The following DCHS2 variants were observed in gnomAD, a reference collection of about 807,000 sequenced individuals.
DCHS2 encodes the protein dachsous cadherin-related 2.
In DCHS2, 142 loss-of-function variants were observed where a neutral mutation model predicts 182.4. The ratio of observed to expected loss-of-function variants is 0.78; its 90% CI spans 0.68 to 0.89. DCHS2 has a LOEUF of 0.89. DCHS2 is among the 40% of genes least tolerant of loss of function. DCHS2 has a pLI of 0.00. For synonymous variants in DCHS2, 1,740 were observed against 1,663.3 expected, an observed-to-expected ratio of 1.05 and a Z score of -1.12; for missense variants, 4,319 against 4,198.6, an observed-to-expected ratio of 1.03 and a Z score of -0.79.
intron 13 of DCHS2, among the ~76,000 whole-genome samples, chr4:154,282,899 T>C (rs77813020): frequency 0.021 from 3,132 of 152,214 alleles, 113 homozygotes; most frequent in African/African-American, 0.072. Context: ...TGGATAAAGC[T>C]TAATGACATT....
At chr4:154,302,766 G>A (rs906907452) in intron 12 of DCHS2, among the ~76,000 whole-genome samples, 1 of 89,932 alleles carries the variant, frequency 1.1e-5, no homozygotes, top group African/African-American at 3.3e-5. Context: ...AAAGAGGAAG[G>A]TGACACAAGG....
At chr4:154,434,934 A>T (rs1443410790) in intron 1 of DCHS2, among the ~76,000 whole-genome samples, 1 of 152,216 alleles carries the variant, frequency 6.6e-6, no homozygotes, top group Non-Finnish European at 1.5e-5. Context: ...AAACTGTCAC[A>T]GACCAGAGGA....
chr4:154,400,847 G>A (rs554014189), intron 1 of DCHS2, among the ~76,000 whole-genome samples: 1 of 152,132 alleles, frequency 6.6e-6, no homozygotes, highest in South Asian at 2.1e-4. Context: ...CTCCCAACTT[G>A]GGAACTGCCA....
intron 15 of DCHS2, among the ~76,000 whole-genome samples, chr4:154,259,160 T>A (rs1732847257): frequency 6.6e-6 from 1 of 152,154 alleles, no homozygotes; most frequent in African/African-American, 2.4e-5. Context: ...GAAGACTTAG[T>A]GTAAATATCC....
At chr4:154,452,346 A>G (rs1734568223) in intron 1 of DCHS2, among the ~76,000 whole-genome samples, 1 of 152,184 alleles carries the variant, frequency 6.6e-6, no homozygotes, top group African/African-American at 2.4e-5. Flanking sequence ...AAGAAGCTTT[A>G]AAAATTAAAG....
intron 1 of DCHS2, among the ~76,000 whole-genome samples, chr4:154,485,102 G>A (rs1203709826): frequency 7.0e-5 from 2 of 28,484 alleles, no homozygotes; most frequent in Admixed American, 8.0e-4. Flanking sequence ...GGTGTTATGA[G>A]CTTTTTTTTT....
Position 154,489,600 on chromosome 4 carries a change from G to A in DCHS2, c.1756C>T (p.Pro586Ser), listed in dbSNP as rs993691815. Residue 586 changes from proline to serine, a missense_variant, in exon 1 of 20, where the codon CCC becomes TCC. By Grantham distance (74) the Pro-to-Ser change is moderately conservative. Coordinates refer to ENST00000357232, the MANE Select transcript of DCHS2 (RefSeq NM_001358235.2). ...LRYTVVQLSA[P>S]CNLGSLQSKM... ...GATTGCAGGGAGCCGAGATTGCAGG[G>A]AGCCGAGAGTTGGACTACAGTGTAG... 3 of 1,550,598 alleles carry A rather than the reference G, an allele frequency of 1.9e-6. No individual in the cohort carries two copies. The highest frequency in any genetic ancestry group is 2.0e-5 in the Admixed American group (1 of 50,958).
At chr4:154,398,876 T>TCC (rs1732039683) in intron 1 of DCHS2, among the ~76,000 whole-genome samples, 1 of 152,208 alleles carries the variant, frequency 6.6e-6, no homozygotes, top group Admixed American at 6.5e-5. Flanking sequence ...CAGGTCTATA[T>TCC]CCCTCCAGCC....
At chr4:154,253,023 C>T (rs1407013122) in intron 16 of DCHS2, among the ~76,000 whole-genome samples, 1 of 147,846 alleles carries the variant, frequency 6.8e-6, no homozygotes, top group East Asian at 2.0e-4. Flanking sequence ...GAAAATCCTC[C>T]TTTATTTCTT....
chr4:154,400,066 G>C (rs1000679722), intron 1 of DCHS2, among the ~76,000 whole-genome samples: 3 of 152,042 alleles, frequency 2.0e-5, no homozygotes, highest in Non-Finnish European at 4.4e-5. Flanking sequence ...CACTTTGGGA[G>C]GCCGAGGCGG....
chr4:154,268,853 T>G (rs904775834), intron 14 of DCHS2, among the ~76,000 whole-genome samples: 2 of 152,096 alleles, frequency 1.3e-5, no homozygotes, highest in African/African-American at 4.8e-5. Context: ...ATTTTAATGA[T>G]GGACTGTAGA....
intron 1 of DCHS2, among the ~76,000 whole-genome samples, chr4:154,469,908 T>C (rs1451617722): frequency 6.6e-6 from 1 of 152,210 alleles, no homozygotes; most frequent in Non-Finnish European, 1.5e-5. Flanking sequence ...CATCCTGCTG[T>C]TTTTATTCTT....
chr4:154,329,456 C>T, intron 6 of DCHS2, 67 bp downstream of exon 6: 1 of 1,468,122 alleles, frequency 6.8e-7, no homozygotes, highest in Non-Finnish European at 9.3e-7. Flanking sequence ...CAGGTTTTAC[C>T]ACAAGATGGT....
At chr4:154,291,645 C>A (rs1734665135) in intron 13 of DCHS2, among the ~76,000 whole-genome samples, 1 of 152,098 alleles carries the variant, frequency 6.6e-6, no homozygotes, top group Non-Finnish European at 1.5e-5. Context: ...TCATCTGCAA[C>A]AACATGGATG....
Position 154,489,370 on chromosome 4 carries a change from G to A in DCHS2, c.1986C>T (p.Ile662=). The part of the protein sequence containing the change: ...TVDDVNDNEP[I]FWRQVYNATI... ...TGGCATTGTACACCTGCCTCCAGAA[G>A]ATGGGCTCATTGTCATTCACATCAT... The change falls in exon 1 of 20, where the codon ATC becomes ATT. Residue 662 remains isoleucine, a synonymous_variant. Transcript: ENST00000357232. 1 of 1,550,458 alleles carries A rather than the reference G, an allele frequency of 6.4e-7. No individual in the cohort carries two copies.
At chr4:154,340,935 A>T (rs1043177230) in intron 3 of DCHS2, among the ~76,000 whole-genome samples, 2 of 152,250 alleles carry the variant, frequency 1.3e-5, no homozygotes, top group African/African-American at 4.8e-5. Context: ...AAACAGTGAA[A>T]CATCACACAA....
intron 3 of DCHS2, among the ~76,000 whole-genome samples, chr4:154,341,368 C>CAA (rs369958308): frequency 0.023 from 1,328 of 58,432 alleles, 16 homozygotes; most frequent in Middle Eastern, 0.073. Context: ...GACTCTGTCT[C>CAA]AAAAAAAAAA....
intron 16 of DCHS2, among the ~76,000 whole-genome samples, chr4:154,248,513 T>A (rs2404906): frequency 0.71 from 108,332 of 151,920 alleles, 44,448 homozygotes; most frequent in Non-Finnish European, 0.92. Context: ...TTGATTTTTT[T>A]AAAAAATGTA....
chr4:154,242,849 G>T, intron 16 of DCHS2, 77 bp from the exon 17 acceptor site: 2 of 1,473,862 alleles, frequency 1.4e-6, no homozygotes, highest in South Asian at 1.4e-5. Context: ...CAAATATCTA[G>T]TTGAAAATTT....
Sources: allele counts gnomAD v4.1 joint callset (sites outside exome capture counted in the v4.1 genomes callset), GRCh38; gene constraint gnomAD v4.1.1; transcripts MANE v1.5; gene names NCBI Gene and HGNC (gene_info 2026-07-23, HGNC 2026-07-21).